Variants in SGO2 observed in about 807,000 individuals in gnomAD.
The protein encoded by SGO2 is shugoshin-like 2.
SGO2 carries 68 observed loss-of-function variants against 99.5 expected under a neutral mutation model. The ratio of observed to expected loss-of-function variants is 0.68; its 90% CI spans 0.56 to 0.84. The LOEUF is 0.84. Among genes scored for constraint, SGO2 ranks in the 40% least tolerant of loss-of-function variants. SGO2 has a pLI of 0.00. For missense variants in SGO2, 1,350 were observed against 1,436.7 expected (o/e 0.94, Z 0.97); for synonymous variants, 457 against 487.1 (o/e 0.94, Z 0.81).
At chr2:200,545,869 G>C (rs990655753) in intron 5 of SGO2, among the ~76,000 whole-genome samples, 7 of 152,186 alleles carry the variant, frequency 4.6e-5, no homozygotes, top group Admixed American at 6.5e-5. Flanking sequence ...TGCCTGAAGG[G>C]AGAAATATCC....
intron 5 of SGO2, among the ~76,000 whole-genome samples, chr2:200,548,762 A>G (rs1300382107): frequency 1.3e-5 from 2 of 152,148 alleles, no homozygotes. Context: ...ATGAGACATA[A>G]CACCTCAGAC....
chr2:200,582,782 C>T (rs1025795830), intron 8 of SGO2, among the ~76,000 whole-genome samples: 3 of 152,028 alleles, frequency 2.0e-5, no homozygotes, highest in Admixed American at 6.6e-5. Context: ...AAGGTATCAG[C>T]AGAAACAGCA....
At chr2:200,533,207 A>C in intron 2 of SGO2, 99 bp downstream of exon 2, 1 of 1,307,448 alleles carries the variant, frequency 7.6e-7, no homozygotes, top group Non-Finnish European at 1.0e-6. Flanking sequence ...AAAATTACTA[A>C]AATGACCATT....
In SGO2 at chr2:200,570,129, A is replaced by G; in HGVS notation, c.703+237A>G. On this transcript the variant is annotated intron_variant, in intron 6 of 8. Transcript: ENST00000357799. This position sits in a 1 kb window ranked among gnomAD's most constrained non-coding sequence, Gnocchi z 4.4. ...ACTCTGGAAGAAATATTTAGAAATAAATGGACCTAATGAGCTTTTCTCAAT... is the reference window on the plus strand; with the variant it reads ...ACTCTGGAAGAAATATTTAGAAATAGATGGACCTAATGAGCTTTTCTCAAT... 1 of 442,176 alleles carries G rather than the reference A, an allele frequency of 2.3e-6. No homozygotes were observed. 27.4% of individuals were successfully genotyped at this position (442,176 alleles called of 1,614,324 possible).
intron 5 of SGO2, among the ~76,000 whole-genome samples, chr2:200,547,573 C>G (rs2032284323): frequency 6.6e-6 from 1 of 152,118 alleles, no homozygotes; most frequent in Admixed American, 6.6e-5. Flanking sequence ...CTATATCAAC[C>G]TGTTAATAGA....
intron 8 of SGO2, chr2:200,580,480 T>C (rs2033806793): frequency 2.3e-6 from 1 of 439,374 alleles, no homozygotes; most frequent in Non-Finnish European, 4.6e-6. Context: ...TGATTTACTT[T>C]ATTATTGTTG....
At chr2:200,576,980 A>G (rs750395156) in intron 8 of SGO2, among the ~76,000 whole-genome samples, 23 of 150,990 alleles carry the variant, frequency 1.5e-4, no homozygotes, top group Non-Finnish European at 2.8e-4. Context: ...TCTTTTGGCT[A>G]TTATGAATAT....
chr2:200,574,018 T>G (rs758468651), intron 7 of SGO2, 41 bp downstream of exon 7: 3 of 1,464,574 alleles, frequency 2.0e-6, no homozygotes, highest in South Asian at 1.5e-5. Flanking sequence ...GTTTTAGAAG[T>G]GTTTTGTTTT....
At chr2:200,546,106 C>G (rs6742043) in intron 5 of SGO2, among the ~76,000 whole-genome samples, 2,711 of 151,858 alleles carry the variant, frequency 0.018, 84 homozygotes, top group African/African-American at 0.062. Flanking sequence ...TTTACTAGCT[C>G]CAAGGTGAAC....
intron 5 of SGO2, among the ~76,000 whole-genome samples, chr2:200,546,721 A>G (rs1022089336): frequency 2.6e-5 from 4 of 152,196 alleles, no homozygotes; most frequent in Non-Finnish European, 5.9e-5. Context: ...ACTGAGAAAT[A>G]CATTTGCTGA....
In SGO2 at chr2:200,573,536, G is replaced by A. The variant is rs773803997; in HGVS notation, c.3190G>A (p.Glu1064Lys). ...KDLPFVEEIKEGECQVKKVNK... is the reference protein window; with the variant it reads ...KDLPFVEEIKKGECQVKKVNK... ...TCTCCCTTTTGTGGAAGAAATAAAA[G>A]AAGGAGAGTGTCAGGTTAAAAAGGT... is the stretch of plus-strand genomic sequence containing the variant. Residue 1064 changes from glutamate to lysine, a missense_variant, in exon 7 of 9, where the codon GAA (glutamate) becomes AAA (lysine). By Grantham distance (56) the Glu-to-Lys change is moderately conservative. Coordinates refer to ENST00000357799, the MANE Select transcript of SGO2 (RefSeq NM_152524.6). 2 of 1,610,802 alleles carry A rather than the reference G, an allele frequency of 1.2e-6. No homozygotes were observed. The highest frequency in any genetic ancestry group is 1.7e-6 in the Non-Finnish European group (2 of 1,178,952).
rs71022323 is a variant in SGO2, at chr2:200,570,478, ATGTGTG to A, written c.704-545_704-540del. On this transcript the variant is annotated intron_variant, in intron 6 of 8. Transcript: ENST00000357799. The surrounding 1 kb of genome is among the most constrained non-coding windows in gnomAD (Gnocchi z 4.4). ...TTAGAATTGTTTTTCCTTTCTGAAA[ATGTGTG>A]TGTGTGTGTGTGTGTGTGTGTGTGT... Among the ~76,000 whole-genome samples, 23 of 142,830 alleles carry A rather than the reference ATGTGTG, an allele frequency of 1.6e-4. 1 individual carries two copies. The highest frequency in any genetic ancestry group is 4.9e-4 in the African/African-American group (19 of 38,612). 93.7% of individuals were successfully genotyped at this position (142,830 alleles called of 152,430 possible).
chr2:200,563,254 G>A (rs1490519084), intron 5 of SGO2, among the ~76,000 whole-genome samples: 2 of 152,186 alleles, frequency 1.3e-5, no homozygotes, highest in Non-Finnish European at 2.9e-5. Context: ...TTTATTGGGA[G>A]TTTTTAGCAT....
chr2:200,559,409 T>G lies in SGO2; in HGVS notation c.474-10254T>G, dbSNP rs370113526. 9.6e-4 allele frequency among the ~76,000 whole-genome samples: 146 copies of G among 152,244 alleles called. 1 individual carries two copies. Among genetic ancestry groups the G allele is most frequent in the African/African-American group, 3.4e-3 (143 of 41,568 alleles). On this transcript the variant is annotated intron_variant, in intron 5 of 8. Coordinates refer to ENST00000357799, the MANE Select transcript of SGO2 (RefSeq NM_152524.6). ...GAGCTATGTTGTTGTTTTAGTATAT[T>G]TGTTTTCTATTTCATTGATTCTGCT...
intron 5 of SGO2, among the ~76,000 whole-genome samples, chr2:200,564,427 A>G (rs1217117126): frequency 1.3e-5 from 2 of 152,176 alleles, no homozygotes; most frequent in Non-Finnish European, 2.9e-5. Context: ...TCTGAGAGAC[A>G]GTTTGTTGTG....
At chr2:200,568,722 A>G (rs1365876919) in intron 5 of SGO2, among the ~76,000 whole-genome samples, 1 of 152,146 alleles carries the variant, frequency 6.6e-6, no homozygotes, top group African/African-American at 2.4e-5. Context: ...CTGTAAAACA[A>G]TGGGAAACTC....
At chr2:200,533,145 A>C (rs1159168810) in intron 2 of SGO2, 37 bp downstream of exon 2, 1 of 1,516,260 alleles carries the variant, frequency 6.6e-7, no homozygotes, top group African/African-American at 1.4e-5. Context: ...CTCACGTTTT[A>C]ACTTTTCCCC....
At chr2:200,546,886 A>G (rs879491769) in intron 5 of SGO2, among the ~76,000 whole-genome samples, 20 of 152,300 alleles carry the variant, frequency 1.3e-4, no homozygotes, top group Admixed American at 3.9e-4. Context: ...AATTACCCCA[A>G]AAGACCAAAT....
chr2:200,577,056 A>G (rs533393577), intron 8 of SGO2, among the ~76,000 whole-genome samples: 7 of 149,994 alleles, frequency 4.7e-5, no homozygotes, highest in African/African-American at 1.7e-4. Context: ...TTTCTTGGAT[A>G]TATCCCTAGG....
Sources: allele counts gnomAD v4.1 joint callset (sites outside exome capture counted in the v4.1 genomes callset), GRCh38; gene constraint gnomAD v4.1.1; non-coding constraint Gnocchi (gnomAD v3.1); transcripts MANE v1.5; gene names NCBI Gene and HGNC (gene_info 2026-07-23, HGNC 2026-07-21).